TBC1D8: variants seen among roughly 807,000 people sequenced by gnomAD.
The protein encoded by TBC1D8 is TBC1 domain family member 8.
Under a neutral mutation model 118.8 loss-of-function variants are expected in TBC1D8, and 65 were observed. That is an observed-to-expected ratio of 0.55 (90% CI 0.45 to 0.67). The LOEUF (loss-of-function observed/expected upper bound fraction) is 0.67, where lower values mean the gene tolerates loss of function less well. Among genes scored for constraint, TBC1D8 ranks in the 30% least tolerant of loss-of-function variants. TBC1D8 has a pLI of 0.00. For missense variants in TBC1D8, 1,376 were observed against 1,471.2 expected, an observed-to-expected ratio of 0.94 and a Z score of 1.06; for synonymous variants, 566 against 595.8, an observed-to-expected ratio of 0.95 and a Z score of 0.73.
chr2:101,027,055 C>A (rs946430112), intron 15 of TBC1D8, among the ~76,000 whole-genome samples: 2 of 152,190 alleles, frequency 1.3e-5, no homozygotes, highest in Non-Finnish European at 2.9e-5. Context: ...ACCCAGAGCC[C>A]GCACTCACTA....
At chr2:101,054,667 CTTTTCTTTTTTTTTTTTTTTT>C (rs1682297033) in intron 3 of TBC1D8, among the ~76,000 whole-genome samples, 2 of 21,306 alleles carry the variant, frequency 9.4e-5, no homozygotes, top group African/African-American at 3.4e-4. Flanking sequence ...ATTTTCTTTT[CTTTTCTTTTTTTTTTTTTTTT>C]TTTTTTTTTT....
At chr2:101,021,657 A>G in intron 17 of TBC1D8, 24 bp downstream of exon 17, 1 of 1,534,204 alleles carries the variant, frequency 6.5e-7, no homozygotes, top group Non-Finnish European at 9.0e-7. Flanking sequence ...GCACAGTCTG[A>G]TTTTGCTACT....
At chr2:101,036,216 C>A (rs1169396294) in intron 8 of TBC1D8, 48 bp from the exon 9 acceptor site, 4 of 1,583,458 alleles carry the variant, frequency 2.5e-6, no homozygotes, top group Middle Eastern at 1.7e-4. Context: ...GTCCTCACCA[C>A]CCCCCACCCA....
intron 1 of TBC1D8, among the ~76,000 whole-genome samples, chr2:101,117,690 C>T (rs1677888116): frequency 6.6e-6 from 1 of 151,320 alleles, no homozygotes; most frequent in African/African-American, 2.4e-5. Flanking sequence ...TCTCCTGCCT[C>T]AGCCTCCTGA....
At chr2:101,068,151 G>T (rs912714615) in intron 2 of TBC1D8, among the ~76,000 whole-genome samples, 1 of 152,074 alleles carries the variant, frequency 6.6e-6, no homozygotes, top group Non-Finnish European at 1.5e-5. Flanking sequence ...TTGAACCCCC[G>T]AAGCCCTCAA....
At chr2:101,027,913 C>T in intron 14 of TBC1D8, 135 bp downstream of exon 14, 1 of 766,090 alleles carries the variant, frequency 1.3e-6, no homozygotes. Flanking sequence ...ACTACTTCAC[C>T]CTTAAGTTGT....
In TBC1D8 at chr2:101,079,335, G is replaced by A. The variant is rs372656719; in HGVS notation, c.283+10874C>T. 2.7e-4 allele frequency among the ~76,000 whole-genome samples: 41 copies of A among 152,260 alleles called. No homozygotes were observed. In the East Asian group the frequency reaches 7.2e-3, roughly 27 times the overall value. Reference sequence around the variant, plus strand: ...GTTCTGTAACCTATAAGACACTAGAGAAAAGTCTGATTCCAGGCTTAAAAA... The same window carrying A: ...GTTCTGTAACCTATAAGACACTAGAAAAAAGTCTGATTCCAGGCTTAAAAA... On this transcript the variant is annotated intron_variant, in intron 2 of 19. Transcript: ENST00000409318.
intron 1 of TBC1D8, among the ~76,000 whole-genome samples, chr2:101,095,116 G>A (rs59863245): frequency 1.2e-4 from 18 of 151,988 alleles, no homozygotes; most frequent in African/African-American, 3.6e-4. Context: ...CAGGAACCCC[G>A]CCAGGTTCTC....
Position 101,015,049 on chromosome 2 carries a change from TCATA to T in TBC1D8, c.2828-3513_2828-3510del, listed in dbSNP as rs60108953. On this transcript the variant is annotated intron_variant, in intron 17 of 19. Transcript: ENST00000409318. ...AGGTGATTTTGTCATTGTGCAAACA[TCATA>T]CAGTGGACTTACACGAACCTAGATG... 8.2e-3 allele frequency among the ~76,000 whole-genome samples: 1,253 copies of T among 152,306 alleles called. 13 individuals carry two copies. Among genetic ancestry groups the T allele is most frequent in the African/African-American group, 0.028 (1,167 of 41,566 alleles).
intron 1 of TBC1D8, chr2:101,109,820 AC>A: frequency 1.0e-6 from 1 of 985,418 alleles, no homozygotes; most frequent in Non-Finnish European, 1.2e-6. Context: ...TAAAAATACT[AC>A]ATCATTTACA....
intron 12 of TBC1D8, 138 bp downstream of exon 12, chr2:101,029,353 C>G: frequency 1.1e-6 from 1 of 941,092 alleles, no homozygotes; most frequent in South Asian, 1.8e-5. Context: ...TGGGGTGCCA[C>G]TGCACTCCAG....
intron 1 of TBC1D8, among the ~76,000 whole-genome samples, chr2:101,105,738 T>A: frequency 6.6e-6 from 1 of 152,246 alleles, no homozygotes; most frequent in East Asian, 1.9e-4. Context: ...TGAGGATGTG[T>A]AGCAGCAGGG....
chr2:101,147,203 C>T (rs1277230231), intron 1 of TBC1D8, among the ~76,000 whole-genome samples: 7 of 147,952 alleles, frequency 4.7e-5, no homozygotes, highest in South Asian at 2.2e-4. Context: ...CTCACATTTT[C>T]CTTATTTATC....
At chr2:101,041,232 G>T (rs1341873954) in intron 5 of TBC1D8, among the ~76,000 whole-genome samples, 1 of 152,192 alleles carries the variant, frequency 6.6e-6, no homozygotes, top group Non-Finnish European at 1.5e-5. Flanking sequence ...TCTTGCACAC[G>T]AATGTTCTTA....
chr2:101,130,231 T>C (rs760425506), intron 1 of TBC1D8, among the ~76,000 whole-genome samples: 5 of 152,180 alleles, frequency 3.3e-5, no homozygotes, highest in Non-Finnish European at 5.9e-5. Flanking sequence ...CTGAGCTGCA[T>C]CCCAAAAGGG....
chr2:101,027,763 GC>G (rs1163941915), intron 14 of TBC1D8, among the ~76,000 whole-genome samples: 1 of 152,200 alleles, frequency 6.6e-6, no homozygotes, highest in Non-Finnish European at 1.5e-5. Flanking sequence ...GCCCCTGCGG[GC>G]CCCCTGTGCT....
intron 10 of TBC1D8, 53 bp downstream of exon 10, chr2:101,033,488 GACA>G: frequency 6.2e-7 from 1 of 1,600,916 alleles, no homozygotes; most frequent in East Asian, 2.2e-5. Context: ...CCCTGGGAAG[GACA>G]ACATGAGACA....
At chr2:101,068,234 A>C in intron 2 of TBC1D8, 1 of 172,594 alleles carries the variant, frequency 5.8e-6, no homozygotes. Flanking sequence ...TCCTTCCAAG[A>C]ATCACAAATG....
intron 5 of TBC1D8, among the ~76,000 whole-genome samples, chr2:101,041,296 T>TG (rs2105401093): frequency 6.6e-6 from 1 of 152,334 alleles, no homozygotes; most frequent in South Asian, 2.1e-4. Flanking sequence ...GTCCATTAAC[T>TG]GATAAGTGGA....
Sources: gnomAD v4.1 joint callset for allele counts (sites outside exome capture counted in the v4.1 genomes callset) on GRCh38, gnomAD v4.1.1 for gene constraint, MANE v1.5 for transcripts, NCBI Gene and HGNC (gene_info 2026-07-23, HGNC 2026-07-21) for gene names.